The following RRP12 variants were observed in gnomAD, a reference collection of about 807,000 sequenced individuals.
RRP12 encodes the protein RRP12-like protein.
A neutral mutation model predicts 157.3 loss-of-function variants in RRP12; 78 were observed. The ratio of observed to expected loss-of-function variants is 0.50; its 90% CI spans 0.41 to 0.60. The LOEUF is 0.60. Among genes scored for constraint, RRP12 ranks in the 20% least tolerant of loss-of-function variants. The probability of loss-of-function intolerance (pLI) is 0.00; values close to 1 mark genes in which losing one functional copy is unlikely to be tolerated. For synonymous variants in RRP12, 726 were observed against 670.9 expected, an observed-to-expected ratio of 1.08 and a Z score of -1.27; for missense variants, 1,521 against 1,679.9, an observed-to-expected ratio of 0.91 and a Z score of 1.65.
At position 97,357,107 on chromosome 10, in the gene RRP12, T is replaced by A. The variant is rs1277434889; in HGVS notation, c.3881A>T (p.Asp1294Val). 2.5e-6 allele frequency: 4 copies of A among 1,611,660 alleles called. No individual in the cohort carries two copies. The African/African-American group carries it at 4.0e-5, about 16-fold the overall frequency. Residue 1294 changes from aspartate (D) to valine (V), a missense_variant, in exon 34 of 34, where the codon GAT becomes GTT. Physicochemically the swap from Asp to Val is radical, Grantham distance 152 (BLOSUM62 -3). Transcript: ENST00000370992. Reference sequence around the variant, plus strand: ...GGGCCCTGGGCCTCAGGGTCGACGATCCTTTCTGCGGTTTTTGTGTCCCAC... The same window carrying A: ...GGGCCCTGGGCCTCAGGGTCGACGAACCTTTCTGCGGTTTTTGTGTCCCAC... ...SQVGHKNRRKDRRP is the reference protein window; with the variant it reads ...SQVGHKNRRKVRRP
chr10:97,362,055 C>T (rs186135852), intron 30 of RRP12, among the ~76,000 whole-genome samples: 176 of 148,574 alleles, frequency 1.2e-3, no homozygotes, highest in African/African-American at 3.7e-3. Context: ...TGCAGTGAGC[C>T]GAGATTGCGC....
At position 97,379,273 on chromosome 10, in the gene RRP12, C is replaced by G; in HGVS notation, c.1798+20G>C. 2 of 1,612,912 alleles carry G rather than the reference C, an allele frequency of 1.2e-6. No individual in the cohort carries two copies. The highest frequency in any genetic ancestry group is 1.3e-5 in the African/African-American group (1 of 75,020). Reference sequence around the variant, plus strand: ...ACTGTGGGGAGCCTCAGGTCACACACAGGCAAGGGTCTCTCCTACCTTTGC... The same window carrying G: ...ACTGTGGGGAGCCTCAGGTCACACAGAGGCAAGGGTCTCTCCTACCTTTGC... On this transcript the variant is annotated intron_variant, in intron 15 of 33. Transcript: ENST00000370992.
In RRP12 at chr10:97,373,892, T is replaced by C. The variant is rs1229816896; in HGVS notation, c.1801A>G (p.Met601Val). Residue 601 changes from methionine to valine, a missense_variant and splice_region_variant, in exon 16 of 34, where the codon ATG (methionine) becomes GTG (valine). Transcript: ENST00000370992. ...GTGCTGCCTGCCTGAGCCAGGTCCA[T>C]GGCTGCAGTGTGACAGAGGGACAGA... The part of the protein sequence containing the change: ...PLANTLKSKA[M>V]DLAQAGSTVE... The C allele has an allele frequency of 1.9e-6, 3 of 1,613,090 alleles. No homozygotes were observed. Among genetic ancestry groups the C allele is most frequent in the East Asian group, 2.2e-5 (1 of 44,870 alleles).
At chr10:97,400,777 G>A (rs1196174686) in intron 1 of RRP12, among the ~76,000 whole-genome samples, 1 of 152,174 alleles carries the variant, frequency 6.6e-6, no homozygotes, top group Non-Finnish European at 1.5e-5. Context: ...GGAATCGGCT[G>A]GGAGCTACAT....
intron 5 of RRP12, 31 bp downstream of exon 5, chr10:97,390,707 GC>G: frequency 6.6e-7 from 1 of 1,513,488 alleles, no homozygotes; most frequent in Non-Finnish European, 9.2e-7. Context: ...TCTGGGAGTC[GC>G]CAGATGAGAA....
At chr10:97,358,333 A>G (rs1843763204) in intron 33 of RRP12, among the ~76,000 whole-genome samples, 1 of 152,132 alleles carries the variant, frequency 6.6e-6, no homozygotes, top group African/African-American at 2.4e-5. Context: ...CTCTGTCTCA[A>G]AAAAATAAAA....
At position 97,385,916 on chromosome 10, in the gene RRP12, C is replaced by T. The variant is rs1844618493; in HGVS notation, c.1095G>A (p.Glu365=). ...TCACCGTGATGATCTGGGCGTTGAGCTCTGCTGACAGGGTGCTCAGGCCAG... is the reference window on the plus strand; with the variant it reads ...TCACCGTGATGATCTGGGCGTTGAGTTCTGCTGACAGGGTGCTCAGGCCAG... ...ARPGLSTLSA[E]LNAQIITALY... Residue 365 remains glutamate (E), a synonymous_variant, in exon 9 of 34, where the codon GAG becomes GAA. Transcript: ENST00000370992. 6.2e-7 allele frequency: 1 copy of T among 1,606,268 alleles called. No homozygotes were observed. Among genetic ancestry groups the T allele is most frequent in the Non-Finnish European group, 8.5e-7 (1 of 1,176,486 alleles).
chr10:97,379,452 G>A lies in RRP12; in HGVS notation c.1677-38C>T, dbSNP rs769674175. The stretch of plus-strand genomic sequence containing the variant: ...TGGGAAGAACCCAATGAGGATGAGG[G>A]GACAGCCCTGAGGGCAGTGCATAGC... On this transcript the variant is annotated intron_variant, in intron 14 of 33. Coordinates refer to ENST00000370992, the MANE Select transcript of RRP12 (RefSeq NM_015179.4). 10 of 1,612,338 alleles carry A rather than the reference G, an allele frequency of 6.2e-6. No individual in the cohort carries two copies. In the South Asian group the frequency reaches 7.7e-5, roughly 12 times the overall value.
At chr10:97,396,841 C>A (rs1034943902) in intron 2 of RRP12, among the ~76,000 whole-genome samples, 6 of 152,204 alleles carry the variant, frequency 3.9e-5, no homozygotes, top group Non-Finnish European at 1.5e-5. Flanking sequence ...TCTCAGCTCA[C>A]TGCAACCTCT....
Position 97,380,784 on chromosome 10 carries a change from C to G in RRP12, c.1533+15G>C, listed in dbSNP as rs1269495974. The G allele has an allele frequency of 1.3e-6, 2 of 1,593,772 alleles. No homozygotes were observed. Among genetic ancestry groups the G allele is most frequent in the Admixed American group, 1.7e-5 (1 of 59,994 alleles). On this transcript the variant is annotated intron_variant, in intron 13 of 33. Coordinates refer to ENST00000370992, the MANE Select transcript of RRP12 (RefSeq NM_015179.4). The stretch of plus-strand genomic sequence containing the variant: ...GCACCACTTCCTGCCCTGGCCCCAG[C>G]CGCTCCCCACTCACCTTCCTCATCA...
chr10:97,364,311 C>A (rs1452718114), intron 29 of RRP12, among the ~76,000 whole-genome samples: 1 of 152,178 alleles, frequency 6.6e-6, no homozygotes, highest in Non-Finnish European at 1.5e-5. Flanking sequence ...TGTTTGAAAT[C>A]TCTGCCCCAT....
Position 97,381,413 on chromosome 10 carries a change from G to A in RRP12, c.1391C>T (p.Pro464Leu), listed in dbSNP as rs146307005. ...IGSVTSSASG[P>L]AQSVAKMFRA... ...GAACATCTTGGCAACAGATTGGGCA[G>A]GGCCTGAGGCCGAGGAGGTCACGGA... The change falls in exon 12 of 34, where the codon CCT (proline) becomes CTT (leucine). Residue 464 changes from proline (P) to leucine (L), a missense_variant. Coordinates refer to ENST00000370992, the MANE Select transcript of RRP12 (RefSeq NM_015179.4). The A allele has an allele frequency of 1.2e-5, 20 of 1,612,630 alleles. No individual in the cohort carries two copies. Among genetic ancestry groups the A allele is most frequent in the Non-Finnish European group, 1.5e-5 (18 of 1,179,530 alleles).
intron 10 of RRP12, among the ~76,000 whole-genome samples, chr10:97,384,050 C>G (rs1844541762): frequency 6.7e-6 from 1 of 149,390 alleles, no homozygotes. Flanking sequence ...ACAGCCTCTC[C>G]AGTCTCCGGC....
At position 97,367,241 on chromosome 10, in the gene RRP12, G is replaced by A. The variant is rs1439490033; in HGVS notation, c.2956-109C>T. The A allele has an allele frequency of 9.9e-6, 9 of 907,628 alleles. No individual in the cohort carries two copies. The East Asian group carries it at 2.1e-4, about 21-fold the overall frequency. The allele number at this position is 907,628 out of a possible 1,614,324, so 56.2% of individuals were successfully genotyped here. On this transcript the variant is annotated intron_variant, in intron 25 of 33. Transcript: ENST00000370992. Reference sequence around the variant, plus strand: ...CATGATCAAGCCCAGCTGAGGGGAGGGTTAGCGCGGCCCTGCTCCTGGCCC... The same window carrying A: ...CATGATCAAGCCCAGCTGAGGGGAGAGTTAGCGCGGCCCTGCTCCTGGCCC...
rs756840314 is a variant in RRP12, at chr10:97,393,692, G to C, written c.522C>G (p.Val174=). The change falls in exon 4 of 34, where the codon GTC becomes GTG. Residue 174 remains valine, a synonymous_variant. Transcript: ENST00000370992. ...LAAVAYLLNL[V]LKRVPSPVLI... is the part of the protein sequence containing the mutation. ...CAGGAGGCAGAACTCACCGCTTCAGGACAAGGTTCAGCAGGTAAGCAACGG... is the reference window on the plus strand; with the variant it reads ...CAGGAGGCAGAACTCACCGCTTCAGCACAAGGTTCAGCAGGTAAGCAACGG... 5 of 1,613,854 alleles carry C rather than the reference G, an allele frequency of 3.1e-6. No individual in the cohort carries two copies. In the African/African-American group the frequency reaches 5.3e-5, roughly 17 times the overall value.
intron 15 of RRP12, among the ~76,000 whole-genome samples, chr10:97,378,330 A>C (rs1434212217): frequency 6.6e-6 from 1 of 152,166 alleles, no homozygotes; most frequent in African/African-American, 2.4e-5. Flanking sequence ...CACAGCCCCT[A>C]CACACCTGGG....
chr10:97,377,338 G>A (rs1844337554), intron 15 of RRP12, among the ~76,000 whole-genome samples: 1 of 151,916 alleles, frequency 6.6e-6, no homozygotes, highest in Non-Finnish European at 1.5e-5. Flanking sequence ...CCAACATGGT[G>A]AAACCCCATC....
chr10:97,382,947 A>G (rs1844511471), intron 10 of RRP12, among the ~76,000 whole-genome samples: 1 of 152,072 alleles, frequency 6.6e-6, no homozygotes, highest in Admixed American at 6.6e-5. Flanking sequence ...TTTTTAGTGA[A>G]GATGGGGTTT....
intron 3 of RRP12, among the ~76,000 whole-genome samples, chr10:97,395,207 T>TACAC (rs1554882670): frequency 6.7e-6 from 1 of 149,856 alleles, no homozygotes; most frequent in African/African-American, 2.5e-5. Context: ...TATACACATA[T>TACAC]ACACACACAC....
Sources: allele counts gnomAD v4.1 joint callset (sites outside exome capture counted in the v4.1 genomes callset), GRCh38; gene constraint gnomAD v4.1.1; transcripts MANE v1.5; gene names NCBI Gene and HGNC (gene_info 2026-07-23, HGNC 2026-07-21).